The following NCOR1 variants were observed in gnomAD, a reference collection of about 807,000 sequenced individuals.
NCOR1 encodes the protein nuclear receptor corepressor 1, also known as protein phosphatase 1, regulatory subunit 109.
A neutral mutation model predicts 288.1 loss-of-function variants in NCOR1; 63 were observed. The ratio of observed to expected loss-of-function variants is 0.22; its 90% confidence interval spans 0.18 to 0.27. NCOR1 has a LOEUF of 0.27. NCOR1 is among the 10% of genes least tolerant of loss of function. The pLI is 1.00. For missense variants in NCOR1, 2,397 were observed against 3,019.2 expected, an observed-to-expected ratio of 0.79 and a Z score of 4.83; for synonymous variants, 1,007 against 1,065.9, an observed-to-expected ratio of 0.94 and a Z score of 1.08.
At chr17:16,071,720 C>T (rs2061783026) in intron 29 of NCOR1, 55 bp from the exon 30 acceptor site, 4 of 1,512,898 alleles carry the variant, frequency 2.6e-6, no homozygotes, top group Non-Finnish European at 3.6e-6. Flanking sequence ...CACAACAATG[C>T]CACGGAACTG....
intron 15 of NCOR1, among the ~76,000 whole-genome samples, chr17:16,125,701 C>CAAAAAAAAAAAAAAAAAAAAAAA (rs71353771): frequency 1.2e-5 from 1 of 82,314 alleles, no homozygotes; most frequent in Non-Finnish European, 2.4e-5. Context: ...GACGCCATCA[C>CAAAAAAAAAAAAAAAAAAAAAAA]AAAAAAAAAA....
intron 40 of NCOR1, 155 bp from the exon 41 acceptor site, chr17:16,049,143 C>A: frequency 9.7e-5 from 52 of 538,554 alleles, no homozygotes; most frequent in East Asian, 1.1e-4. Context: ...TCACTATATA[C>A]ATAGTTAAAA....
chr17:16,032,450 A>G lies in NCOR1; in HGVS notation c.7169T>C (p.Met2390Thr). Reference protein sequence around the residue: ...STQFPYNPLTMRMLSSTPPTP... With the variant: ...STQFPYNPLTTRMLSSTPPTP... ...TGGTGGAGTACTGCTGAGCATCCGC[A>G]TAGTCAGAGGGTTATAAGGAAACTG... The change falls in exon 46 of 46, where the codon ATG (methionine) becomes ACG (threonine). Residue 2390 changes from methionine (M) to threonine (T), a missense_variant. Transcript: ENST00000268712. 1 of 1,612,446 alleles carries G rather than the reference A, an allele frequency of 6.2e-7. No individual in the cohort carries two copies. Among genetic ancestry groups the G allele is most frequent in the East Asian group, 2.2e-5 (1 of 44,844 alleles).
intron 28 of NCOR1, among the ~76,000 whole-genome samples, chr17:16,072,560 C>T (rs542496601): frequency 1.3e-5 from 2 of 152,192 alleles, no homozygotes; most frequent in South Asian, 4.1e-4. Context: ...TTGAAATATA[C>T]TTGTGATAAA....
chr17:16,070,395 T>A lies in NCOR1; in HGVS notation c.4283A>T (p.Lys1428Ile). The change falls in exon 31 of 46, where the codon AAA (lysine) becomes ATA (isoleucine). Residue 1428 changes from lysine (K) to isoleucine (I), a missense_variant. Lys to Ile is a moderately radical substitution (Grantham distance 102, BLOSUM62 -3). This residue lies in a region of NCOR1 where 1,872 missense variants were observed against 2,187.8 expected (regional missense o/e 0.86). Transcript: ENST00000268712. The stretch of plus-strand genomic sequence containing the variant: ...CTCATATTTTCCCCGTTCTACCACT[T>A]TTATGTTCTCTGGCACAATTTCCAG... ...PPLEIVPENI[K>I]VVERGKYEDV... 6.2e-7 allele frequency: 1 copy of A among 1,614,180 alleles called. No individual in the cohort carries two copies. Among genetic ancestry groups the A allele is most frequent in the East Asian group, 2.2e-5 (1 of 44,880 alleles).
chr17:16,215,241 C>T (rs1277108370), intron 1 of NCOR1, 121 bp downstream of exon 1: 2 of 384,336 alleles, frequency 5.2e-6, no homozygotes, highest in East Asian at 7.4e-5. Flanking sequence ...CTGCCCAGGC[C>T]TGCGACACCC....
At chr17:16,191,946 T>C (rs2088456361) in intron 2 of NCOR1, 1 of 151,302 alleles carries the variant, frequency 6.6e-6, no homozygotes, top group South Asian at 2.1e-4. Context: ...ATCAGATGTC[T>C]ACACTAAGTT....
At chr17:16,056,759 C>T (rs756578706) in intron 40 of NCOR1, among the ~76,000 whole-genome samples, 14 of 152,102 alleles carry the variant, frequency 9.2e-5, no homozygotes, top group Non-Finnish European at 1.8e-4. Flanking sequence ...AGAAGATATG[C>T]TCTTTATCAG....
Position 16,188,540 on chromosome 17 carries a change from G to A in NCOR1, c.109-1853C>T, listed in dbSNP as rs187844682. ...GCAGGAGAATCACGTGAACCCAGGA[G>A]GGGGAGGGTGCAGTGAGCTGAGATC... On this transcript the variant is annotated intron_variant, in intron 2 of 45. Transcript: ENST00000268712. 8.3e-4 allele frequency among the ~76,000 whole-genome samples: 127 copies of A among 152,106 alleles called. 3 individuals are homozygous for A. The highest frequency in any genetic ancestry group is 3.0e-3 in the African/African-American group (123 of 41,476).
intron 9 of NCOR1, among the ~76,000 whole-genome samples, chr17:16,148,113 GC>G (rs1339821715): frequency 6.6e-6 from 1 of 152,116 alleles, no homozygotes; most frequent in Non-Finnish European, 1.5e-5. Context: ...CATTGCACCT[GC>G]CCCGCTAAAT....
At chr17:16,151,209 T>TAA (rs143706694) in intron 8 of NCOR1, among the ~76,000 whole-genome samples, 15 of 148,998 alleles carry the variant, frequency 1.0e-4, no homozygotes, top group Non-Finnish European at 1.9e-4. Flanking sequence ...AATTTTTTTT[T>TAA]TAAAAAAAAG....
intron 40 of NCOR1, among the ~76,000 whole-genome samples, chr17:16,056,652 G>A (rs2059963213): frequency 6.6e-6 from 1 of 151,882 alleles, no homozygotes; most frequent in Non-Finnish European, 1.5e-5. Flanking sequence ...CTTTGTGCTT[G>A]TTAACTATAA....
At chr17:16,062,323 C>T in intron 35 of NCOR1, 53 bp from the exon 36 acceptor site, 1 of 1,503,738 alleles carries the variant, frequency 6.7e-7, no homozygotes. Flanking sequence ...AAGCCAGAGA[C>T]AAAAGGAAGC....
chr17:16,104,984 T>C lies in NCOR1; in HGVS notation c.2183-3227A>G, dbSNP rs186775011. Reference sequence around the variant, plus strand: ...AGCACAAAGGCTCCTGAAGTCGGGGTTGGTTTGCCCAGGAACAGCAAAGAG... The same window carrying C: ...AGCACAAAGGCTCCTGAAGTCGGGGCTGGTTTGCCCAGGAACAGCAAAGAG... On this transcript the variant is annotated intron_variant, in intron 19 of 45. Transcript: ENST00000268712. 1.8e-4 allele frequency among the ~76,000 whole-genome samples: 28 copies of C among 152,040 alleles called. No homozygotes were observed. The East Asian group carries it at 5.4e-3, about 29-fold the overall frequency.
chr17:16,163,087 C>T lies in NCOR1; in HGVS notation c.618+1892G>A, dbSNP rs1248404367. Among the ~76,000 whole-genome samples the T allele has an allele frequency of 2.0e-5, 3 of 152,068 alleles. No individual in the cohort carries two copies. The South Asian group carries it at 6.2e-4, about 32-fold the overall frequency. ...ACTATAAAATGTGTAGAAGAAAACACAGGTATAAATCTGTGACCGCGAATT... is the reference window on the plus strand; with the variant it reads ...ACTATAAAATGTGTAGAAGAAAACATAGGTATAAATCTGTGACCGCGAATT... On this transcript the variant is annotated intron_variant, in intron 5 of 45. Transcript: ENST00000268712.
chr17:16,175,957 CT>C (rs2084082404), intron 3 of NCOR1, among the ~76,000 whole-genome samples: 1 of 152,096 alleles, frequency 6.6e-6, no homozygotes, highest in Non-Finnish European at 1.5e-5. Context: ...TGGTTCACAC[CT>C]GTAATCCCAG....
chr17:16,193,372 A>G (rs1433712409), intron 2 of NCOR1, among the ~76,000 whole-genome samples: 1 of 152,044 alleles, frequency 6.6e-6, no homozygotes, highest in Admixed American at 6.6e-5. Flanking sequence ...CTAGGATTAC[A>G]GATGCCTGCC....
chr17:16,105,926 C>T (rs996873462), intron 19 of NCOR1, among the ~76,000 whole-genome samples: 6 of 152,130 alleles, frequency 3.9e-5, no homozygotes, highest in Non-Finnish European at 8.8e-5. Context: ...GTAGCGAAAC[C>T]CCATCTCTAC....
chr17:16,093,598 G>A (rs1263358481), intron 21 of NCOR1, among the ~76,000 whole-genome samples: 1 of 152,152 alleles, frequency 6.6e-6, no homozygotes. Flanking sequence ...CTAGAGGTCT[G>A]ACTTTTTTTT....
Sources: gnomAD v4.1 joint callset for allele counts (sites outside exome capture counted in the v4.1 genomes callset) on GRCh38, gnomAD v4.1.1 for gene constraint, gnomAD v4.1.1 regional missense constraint, MANE v1.5 for transcripts, NCBI Gene and HGNC (gene_info 2026-07-23, HGNC 2026-07-21) for gene names.